The following HDAC1 variants were observed in gnomAD, a reference collection of about 807,000 sequenced individuals.
HDAC1 encodes protein deacetylase HDAC1.
In HDAC1, 18 loss-of-function variants were observed where a neutral mutation model predicts 65.5. That is an observed-to-expected ratio of 0.27 (90% CI 0.19 to 0.41). The LOEUF (loss-of-function observed/expected upper bound fraction) is 0.41. Among genes scored for constraint, HDAC1 ranks in the 10% least tolerant of loss-of-function variants. The pLI, the probability that HDAC1 is intolerant of heterozygous loss-of-function variation, is 1.00. For missense variants in HDAC1, 373 were observed against 625.2 expected (o/e 0.60, Z 4.30); for synonymous variants, 211 against 227.9 (o/e 0.93, Z 0.67).
Position 32,330,290 on chromosome 1 carries a change from C to T in HDAC1, c.730-288C>T. Reference sequence around the variant, plus strand: ...CAGGAAGGCTTCCTGGAGGAAGTGGCACTAGAGCTTGGGCAACAGAAGAGA... The same window carrying T: ...CAGGAAGGCTTCCTGGAGGAAGTGGTACTAGAGCTTGGGCAACAGAAGAGA... On this transcript the variant is annotated intron_variant, in intron 7 of 13. Coordinates refer to ENST00000373548, the MANE Select transcript of HDAC1 (RefSeq NM_004964.3). This position sits in a 1 kb window ranked among gnomAD's most constrained non-coding sequence, Gnocchi z 4.2. 1 of 385,948 alleles carries T rather than the reference C, an allele frequency of 2.6e-6. No homozygotes were observed. The highest frequency in any genetic ancestry group is 4.8e-6 in the Non-Finnish European group (1 of 207,256). The allele number at this position is 385,948 out of a possible 1,614,324, so 23.9% of individuals were successfully genotyped here.
Position 32,292,194 on chromosome 1 carries a change from A to C in HDAC1, c.25A>C (p.Arg9=). Reference sequence around the variant, plus strand: ...GATGGCGCAGACGCAGGGCACCCGGAGGAAAGTCTGTTACTACTACGACGG... The same window carrying C: ...GATGGCGCAGACGCAGGGCACCCGGCGGAAAGTCTGTTACTACTACGACGG... MAQTQGTR[R]KVCYYYDGDV... Residue 9 remains arginine (R), a synonymous_variant, in exon 1 of 14, where the codon AGG becomes CGG. Coordinates refer to ENST00000373548, the MANE Select transcript of HDAC1 (RefSeq NM_004964.3). 6.5e-7 allele frequency: 1 copy of C among 1,548,654 alleles called. No homozygotes were observed. Among genetic ancestry groups the C allele is most frequent in the Non-Finnish European group, 8.7e-7 (1 of 1,146,382 alleles).
In HDAC1 at chr1:32,324,484, G is replaced by A; in HGVS notation, c.286G>A (p.Val96Ile). 6.2e-7 allele frequency: 1 copy of A among 1,609,972 alleles called. No homozygotes were observed. Among genetic ancestry groups the A allele is most frequent in the Non-Finnish European group, 8.5e-7 (1 of 1,176,348 alleles). The change falls in exon 4 of 14, where the codon GTT (valine) becomes ATT (isoleucine). Residue 96 changes from valine to isoleucine, a missense_variant. Physicochemically the swap from Val to Ile is conservative, Grantham distance 29. Coordinates refer to ENST00000373548, the MANE Select transcript of HDAC1 (RefSeq NM_004964.3). ...EYSKQMQRFN[V>I]GEDCPVFDGL... ...TTTTGCTTATTTCTTTCAAGTCAACGTTGGTGAGGACTGTCCAGTATTCGA... is the reference window on the plus strand; with the variant it reads ...TTTTGCTTATTTCTTTCAAGTCAACATTGGTGAGGACTGTCCAGTATTCGA...
rs1295997432 is a variant in HDAC1 at position 32,327,336 on chromosome 1, A to G, written c.495-200A>G. On this transcript the variant is annotated intron_variant, in intron 5 of 13. Coordinates refer to ENST00000373548, the MANE Select transcript of HDAC1 (RefSeq NM_004964.3). The surrounding 1 kb of genome is among the most constrained non-coding windows in gnomAD (Gnocchi z 6.0). ...CTGGAGTTGACCCTGGCTGTAGAGT[A>G]GGAAGATCGGACTTGGTCGGCTTGG... The G allele has an allele frequency of 3.2e-6, 2 of 622,972 alleles. No homozygotes were observed. Among genetic ancestry groups the G allele is most frequent in the African/African-American group, 3.7e-5 (2 of 54,394 alleles). 38.6% of individuals were successfully genotyped at this position (622,972 alleles called of 1,614,324 possible).
intron 2 of HDAC1, among the ~76,000 whole-genome samples, chr1:32,312,186 T>G (rs1055877244): frequency 1.3e-5 from 2 of 152,104 alleles, no homozygotes; most frequent in African/African-American, 2.4e-5. Flanking sequence ...TGTCGTTCAG[T>G]CTTATTATGC....
intron 3 of HDAC1, among the ~76,000 whole-genome samples, chr1:32,319,071 A>G (rs368915183): frequency 1.5e-4 from 23 of 152,200 alleles, no homozygotes; most frequent in East Asian, 5.8e-4. Context: ...GTGAGCCAAG[A>G]TCGCGCCACT....
chr1:32,314,757 C>T (rs1570020240), intron 2 of HDAC1, among the ~76,000 whole-genome samples: 1 of 144,988 alleles, frequency 6.9e-6, no homozygotes, highest in East Asian at 2.0e-4. Flanking sequence ...ACCTGGGAGA[C>T]AGAGCTTGCA....
In HDAC1 at chr1:32,327,587, C is replaced by T. The variant is rs1207639907; in HGVS notation, c.546C>T (p.Gly182=). The T allele has an allele frequency of 3.7e-6, 6 of 1,609,846 alleles. No individual in the cohort carries two copies. Among genetic ancestry groups the T allele is most frequent in the African/African-American group, 1.3e-5 (1 of 74,780 alleles). The change falls in exon 6 of 14, where the codon GGC becomes GGT. Residue 182 remains glycine, a synonymous_variant. Coordinates refer to ENST00000373548, the MANE Select transcript of HDAC1 (RefSeq NM_004964.3). The surrounding 1 kb of genome is among the most constrained non-coding windows in gnomAD (Gnocchi z 6.0). ...YIDIDIHHGD[G]VEEAFYTTDR... ...ACATTGATATTCACCATGGTGACGG[C>T]GTGGAAGAGGCCTTCTACACCACGG... is the stretch of plus-strand genomic sequence containing the variant.
chr1:32,302,516 T>G, intron 1 of HDAC1, 105 bp from the exon 2 acceptor site: 2 of 581,376 alleles, frequency 3.4e-6, no homozygotes, highest in Non-Finnish European at 6.5e-6. Context: ...AAACTAGAAA[T>G]GAGCCAGAAA....
Position 32,330,341 on chromosome 1 carries a change from T to C in HDAC1, c.730-237T>C. 4 of 487,530 alleles carry C rather than the reference T, an allele frequency of 8.2e-6. No individual in the cohort carries two copies. The highest frequency in any genetic ancestry group is 1.5e-5 in the Non-Finnish European group (4 of 267,350). The allele number at this position is 487,530 out of a possible 1,614,324, so 30.2% of individuals were successfully genotyped here. ...CTTAGGGAGTTGAGAGGGAGGCCAT[T>C]CTAGGTTCAGTGTTACTAGAGTGTT... On this transcript the variant is annotated intron_variant, in intron 7 of 13. Transcript: ENST00000373548. This position sits in a 1 kb window ranked among gnomAD's most constrained non-coding sequence, Gnocchi z 4.2.
intron 3 of HDAC1, among the ~76,000 whole-genome samples, chr1:32,321,061 C>A (rs982642445): frequency 6.6e-6 from 1 of 151,116 alleles, no homozygotes; most frequent in Non-Finnish European, 1.5e-5. Flanking sequence ...GAAACCCCAT[C>A]TCTACTAAAA....
Position 32,324,352 on chromosome 1 carries a change from C to T in HDAC1, c.281-127C>T, listed in dbSNP as rs1271117653. On this transcript the variant is annotated intron_variant, in intron 3 of 13. Coordinates refer to ENST00000373548, the MANE Select transcript of HDAC1 (RefSeq NM_004964.3). ...AAACAACTTGATGCAGTCATACAGC[C>T]AGGAAGTAGAGCCTGGACTAGAACC... 3 of 689,796 alleles carry T rather than the reference C, an allele frequency of 4.3e-6. No homozygotes were observed. The East Asian group carries it at 7.6e-5, about 17-fold the overall frequency. 42.7% of individuals were successfully genotyped at this position (689,796 alleles called of 1,614,324 possible).
At position 32,330,932 on chromosome 1, in the gene HDAC1, G is replaced by A. The variant is rs201632929; in HGVS notation, c.979+24G>A. The A allele has an allele frequency of 9.9e-6, 16 of 1,613,488 alleles. No homozygotes were observed. The highest frequency in any genetic ancestry group is 2.2e-5 in the East Asian group (1 of 44,878). On this transcript the variant is annotated intron_variant, in intron 9 of 13. Coordinates refer to ENST00000373548, the MANE Select transcript of HDAC1 (RefSeq NM_004964.3). The surrounding 1 kb of genome is among the most constrained non-coding windows in gnomAD (Gnocchi z 4.2). ...TGGTAATAGCTGCAGGGCCAGGTTC[G>A]GCTGGGCTGGGTGGGAGCTGGAGCT...
chr1:32,309,765 A>G lies in HDAC1; in HGVS notation c.163-6900A>G, dbSNP rs145770199. 2.0e-5 allele frequency among the ~76,000 whole-genome samples: 3 copies of G among 151,186 alleles called. No homozygotes were observed. In the East Asian group the frequency reaches 5.9e-4, roughly 29 times the overall value. Reference sequence around the variant, plus strand: ...CTATTCCTAGGTGAGATTATAATGCACTATAGCCTCAAACTCCTGTCTGTG... The same window carrying G: ...CTATTCCTAGGTGAGATTATAATGCGCTATAGCCTCAAACTCCTGTCTGTG... On this transcript the variant is annotated intron_variant, in intron 2 of 13. Coordinates refer to ENST00000373548, the MANE Select transcript of HDAC1 (RefSeq NM_004964.3).
intron 1 of HDAC1, among the ~76,000 whole-genome samples, chr1:32,296,580 T>C (rs1640769308): frequency 6.6e-6 from 1 of 152,144 alleles, no homozygotes; most frequent in Non-Finnish European, 1.5e-5. Flanking sequence ...GATTTCGCCA[T>C]GTTGCCCAGG....
chr1:32,322,549 G>T (rs984356121), intron 3 of HDAC1, among the ~76,000 whole-genome samples: 3 of 152,186 alleles, frequency 2.0e-5, no homozygotes, highest in Non-Finnish European at 4.4e-5. Context: ...GATTACAGGT[G>T]TGAGCCACCG....
rs59411722 is a variant in HDAC1, at chr1:32,321,681, A to G, written c.281-2798A>G. On this transcript the variant is annotated intron_variant, in intron 3 of 13. Transcript: ENST00000373548. ...CACATAGCTTATTGACTAGGAATAA[A>G]AGGGCTGGTCATTTGAGCTACATGT... 2.1e-3 allele frequency among the ~76,000 whole-genome samples: 324 copies of G among 152,300 alleles called. 1 individual carries two copies. The highest frequency in any genetic ancestry group is 7.6e-3 in the African/African-American group (316 of 41,550).
intron 2 of HDAC1, among the ~76,000 whole-genome samples, chr1:32,306,087 A>C (rs1041917807): frequency 6.6e-6 from 1 of 151,976 alleles, no homozygotes; most frequent in Non-Finnish European, 1.5e-5. Context: ...CAGTAGCTTT[A>C]TATTATAGTA....
At chr1:32,298,945 C>T (rs1223518972) in intron 1 of HDAC1, among the ~76,000 whole-genome samples, 1 of 152,030 alleles carries the variant, frequency 6.6e-6, no homozygotes, top group Non-Finnish European at 1.5e-5. Flanking sequence ...TTGCAGTGAG[C>T]CTGAGATCGC....
intron 2 of HDAC1, among the ~76,000 whole-genome samples, chr1:32,313,346 C>T (rs1641016733): frequency 1.3e-5 from 2 of 152,092 alleles, no homozygotes; most frequent in East Asian, 1.9e-4. Context: ...CCACCCACCT[C>T]GGCCTCCCAA....
Sources: gnomAD v4.1 joint callset for allele counts (sites outside exome capture counted in the v4.1 genomes callset) on GRCh38, gnomAD v4.1.1 for gene constraint, Gnocchi (gnomAD v3.1) non-coding constraint, MANE v1.5 for transcripts, NCBI Gene and HGNC (gene_info 2026-07-23, HGNC 2026-07-21) for gene names.